The following PKN3 variants were observed in gnomAD, a reference collection of about 807,000 sequenced individuals.
PKN3 encodes serine/threonine-protein kinase N3.
In PKN3, 91 loss-of-function variants were observed where a neutral mutation model predicts 113.1. That is an observed-to-expected ratio of 0.80 (90% CI 0.68 to 0.96). The LOEUF (loss-of-function observed/expected upper bound fraction) is 0.96, where lower values mean the gene tolerates loss of function less well. Among genes scored for constraint, PKN3 ranks in the 40% least tolerant of loss-of-function variants. The probability of loss-of-function intolerance (pLI) is 0.00; values close to 1 mark genes in which losing one functional copy is unlikely to be tolerated. For synonymous variants in PKN3, 467 were observed against 499.0 expected (o/e 0.94, Z 0.85); for missense variants, 1,052 against 1,202.2 (o/e 0.88, Z 1.85).
chr9:128,718,875 T>G (rs1862424133), intron 18 of PKN3, among the ~76,000 whole-genome samples: 1 of 148,080 alleles, frequency 6.8e-6, no homozygotes, highest in Non-Finnish European at 1.5e-5. Context: ...GGAGACTGAG[T>G]TCTGCCTTCT....
At chr9:128,716,576 C>T (rs912767846) in intron 15 of PKN3, among the ~76,000 whole-genome samples, 171 bp from the exon 16 acceptor site, 3 of 148,276 alleles carry the variant, frequency 2.0e-5, no homozygotes, top group South Asian at 2.1e-4. Flanking sequence ...CCAGCCCAGG[C>T]GACAGAGCAA....
intron 6 of PKN3, among the ~76,000 whole-genome samples, chr9:128,709,489 T>A (rs1589481166): frequency 6.7e-6 from 1 of 148,540 alleles, no homozygotes; most frequent in South Asian, 2.1e-4. Context: ...CGGCAGCTCA[T>A]GCCTGTAATC....
chr9:128,718,528 G>A lies in PKN3; in HGVS notation c.2049-21G>A. On this transcript the variant is annotated intron_variant, in intron 17 of 21. Transcript: ENST00000291906. ...GGTCTAAGCCCCACTCAGTCCCTTT[G>A]ATCTGCACCCTTGCCCTCAGGGACC... The A allele has an allele frequency of 4.3e-6, 7 of 1,613,266 alleles. No individual in the cohort carries two copies. In the South Asian group the frequency reaches 7.7e-5, roughly 18 times the overall value.
At chr9:128,705,566 C>T in intron 2 of PKN3, 23 bp downstream of exon 2, 1 of 1,552,000 alleles carries the variant, frequency 6.4e-7, no homozygotes, top group South Asian at 1.2e-5. Context: ...CTGAGACCCC[C>T]TCAGGACAGA....
chr9:128,705,874 C>T lies in PKN3; in HGVS notation c.406C>T (p.Pro136Ser), dbSNP rs1862001170. 6.3e-7 allele frequency: 1 copy of T among 1,592,256 alleles called. No individual in the cohort carries two copies. The highest frequency in any genetic ancestry group is 1.7e-5 in the Admixed American group (1 of 58,152). The change falls in exon 3 of 22, where the codon CCC (proline) becomes TCC (serine). Residue 136 changes from proline (P) to serine (S), a missense_variant. Pro to Ser is a moderately conservative substitution (Grantham distance 74). Transcript: ENST00000291906. ...NMTHTCASGT[P>S]KERKLLAAAQ... ...GACCCACACGTGCGCCAGTGGCACC[C>T]CCAAGGTAAGGCCCCACAGTCTGAT...
chr9:128,703,681 A>G (rs960490880), intron 1 of PKN3: 2 of 985,400 alleles, frequency 2.0e-6, no homozygotes, highest in Non-Finnish European at 1.2e-6. Flanking sequence ...GTGTGTGTCC[A>G]TGTTGGAGTT....
At chr9:128,703,746 T>C (rs1861923719) in intron 1 of PKN3, 1 of 985,250 alleles carries the variant, frequency 1.0e-6, no homozygotes, top group Non-Finnish European at 1.2e-6. Context: ...GTAGACTCCT[T>C]GAGCGCCCAA....
At position 128,705,417 on chromosome 9, in the gene PKN3, C is replaced by G. The variant is rs370013888; in HGVS notation, c.139C>G (p.Arg47Gly). 4 of 1,595,592 alleles carry G rather than the reference C, an allele frequency of 2.5e-6. No individual in the cohort carries two copies. The highest frequency in any genetic ancestry group is 2.7e-5 in the African/African-American group (2 of 74,656). Residue 47 changes from arginine to glycine, a missense_variant, in exon 2 of 22, where the codon CGC becomes GGC. Coordinates refer to ENST00000291906, the MANE Select transcript of PKN3 (RefSeq NM_013355.5). ...GAACCTGCGGCGCGTGGCCACAGAC[C>G]GCCGCCACTTGGGCCATGTGCAGCA... ...VENLRRVATD[R>G]RHLGHVQQLL...
intron 1 of PKN3, chr9:128,703,466 T>A (rs891216832): frequency 6.1e-6 from 6 of 985,046 alleles, no homozygotes; most frequent in Non-Finnish European, 7.2e-6. Flanking sequence ...GCGGGAACCT[T>A]TGGGTACATA....
chr9:128,713,502 C>G lies in PKN3; in HGVS notation c.1096C>G (p.Arg366Gly). The change falls in exon 9 of 22, where the codon CGT becomes GGT. Residue 366 changes from arginine to glycine, a missense_variant. This residue lies in a region of PKN3 where 719 missense variants were observed against 759.4 expected (regional missense o/e 0.95). Coordinates refer to ENST00000291906, the MANE Select transcript of PKN3 (RefSeq NM_013355.5). ...QTFVIPLERA[R>G]ELEIGVHWRD... ...CAGCCTGGCCTCCCCAATACAGGCC[C>G]GTGAGCTGGAGATTGGGGTACACTG... The G allele has an allele frequency of 6.2e-7, 1 of 1,614,038 alleles. No individual in the cohort carries two copies. Among genetic ancestry groups the G allele is most frequent in the South Asian group, 1.1e-5 (1 of 91,086 alleles).
rs1388559897 is a variant in PKN3 at position 128,713,301 on chromosome 9, G to A, written c.1006G>A (p.Val336Met). ...LASEVLAVLK[V>M]DNRVVGQTGW... is the part of the protein sequence containing the mutation. ...AGGCGAGGTGCTGGCTGTGCTAAAG[G>A]TGGACAACCGTGTTGTGGGGCAGAC... Residue 336 changes from valine to methionine, a missense_variant, in exon 8 of 22, where the codon GTG becomes ATG. Physicochemically the swap from Val to Met is conservative, Grantham distance 21 (BLOSUM62 1). Around this residue, in one of 2 missense-constraint regions of PKN3, gnomAD observed 719 missense variants for 759.4 expected, o/e 0.95. Coordinates refer to ENST00000291906, the MANE Select transcript of PKN3 (RefSeq NM_013355.5). 2 of 1,614,104 alleles carry A rather than the reference G, an allele frequency of 1.2e-6. No individual in the cohort carries two copies. The highest frequency in any genetic ancestry group is 8.5e-7 in the Non-Finnish European group (1 of 1,180,012).
chr9:128,718,308 C>T lies in PKN3; in HGVS notation c.1986-17C>T. On this transcript the variant is annotated splice_polypyrimidine_tract_variant and intron_variant, in intron 16 of 21. Coordinates refer to ENST00000291906, the MANE Select transcript of PKN3 (RefSeq NM_013355.5). Reference sequence around the variant, plus strand: ...TGTGTGTCTTGGGCCTGAGTTCTCCCATAACCACCCCTGCAGCTTCTACGT... The same window carrying T: ...TGTGTGTCTTGGGCCTGAGTTCTCCTATAACCACCCCTGCAGCTTCTACGT... 6.2e-7 allele frequency: 1 copy of T among 1,612,480 alleles called. No individual in the cohort carries two copies. Among genetic ancestry groups the T allele is most frequent in the Non-Finnish European group, 8.5e-7 (1 of 1,178,686 alleles).
intron 16 of PKN3, among the ~76,000 whole-genome samples, chr9:128,717,909 C>T (rs1018936699): frequency 3.6e-4 from 55 of 150,802 alleles, no homozygotes; most frequent in Middle Eastern, 6.9e-3. Context: ...GTGGCGCGTG[C>T]CTGTAGTCTC....
At chr9:128,716,310 A>C (rs988235153) in intron 15 of PKN3, among the ~76,000 whole-genome samples, 22 of 151,470 alleles carry the variant, frequency 1.5e-4, no homozygotes, top group Admixed American at 6.6e-5. Context: ...AAAAAAAAAA[A>C]AAAAAGGCTG....
At chr9:128,718,116 G>A (rs1862399530) in intron 16 of PKN3, among the ~76,000 whole-genome samples, 1 of 151,860 alleles carries the variant, frequency 6.6e-6, no homozygotes, top group South Asian at 2.1e-4. Context: ...GGCCCATGAA[G>A]GGTGAGCTGG....
Position 128,705,879 on chromosome 9 carries a change from G to C in PKN3, c.411G>C (p.Lys137Asn). Residue 137 changes from lysine (K) to asparagine (N), a missense_variant and splice_region_variant, in exon 3 of 22, where the codon AAG becomes AAC. Around this residue, in one of 2 missense-constraint regions of PKN3, gnomAD observed 719 missense variants for 759.4 expected, o/e 0.95. Coordinates refer to ENST00000291906, the MANE Select transcript of PKN3 (RefSeq NM_013355.5). Reference protein sequence around the residue: ...MTHTCASGTPKERKLLAAAQQ... With the variant: ...MTHTCASGTPNERKLLAAAQQ... The stretch of plus-strand genomic sequence containing the variant: ...ACACGTGCGCCAGTGGCACCCCCAA[G>C]GTAAGGCCCCACAGTCTGATGGCAG... 13 of 1,589,098 alleles carry C rather than the reference G, an allele frequency of 8.2e-6. No homozygotes were observed. Among genetic ancestry groups the C allele is most frequent in the Non-Finnish European group, 1.0e-5 (12 of 1,164,704 alleles).
intron 9 of PKN3, 108 bp from the exon 10 acceptor site, chr9:128,713,938 G>T: frequency 8.9e-7 from 1 of 1,126,000 alleles, no homozygotes; most frequent in Admixed American, 1.8e-5. Context: ...TCTGGCTCTT[G>T]CATCTGTTGA....
At chr9:128,703,925 G>T (rs1410808865) in intron 1 of PKN3, 1 of 985,470 alleles carries the variant, frequency 1.0e-6, no homozygotes, top group Non-Finnish European at 1.2e-6. Flanking sequence ...CCGGTGGCCG[G>T]GCCCCCAGCT....
At chr9:128,718,828 C>G (rs1176181160) in intron 18 of PKN3, among the ~76,000 whole-genome samples, 1 of 152,006 alleles carries the variant, frequency 6.6e-6, no homozygotes, top group African/African-American at 2.4e-5. Flanking sequence ...CAGCCTGCAC[C>G]TGGCCCAAGG....
Sources: gnomAD v4.1 joint callset for allele counts (sites outside exome capture counted in the v4.1 genomes callset) on GRCh38, gnomAD v4.1.1 for gene constraint, gnomAD v4.1.1 regional missense constraint, MANE v1.5 for transcripts, NCBI Gene and HGNC (gene_info 2026-07-23, HGNC 2026-07-21) for gene names.